Variants in CNTN5 observed in about 807,000 individuals in gnomAD.
CNTN5 encodes the protein contactin 5, also known as contactin-5.
A neutral mutation model predicts 129.1 loss-of-function variants in CNTN5; 77 were observed. The ratio of observed to expected loss-of-function variants is 0.60; its 90% confidence interval spans 0.50 to 0.72. CNTN5 has a LOEUF of 0.72. Among genes scored for constraint, CNTN5 ranks in the 30% least tolerant of loss-of-function variants. The pLI, the probability that CNTN5 is intolerant of heterozygous loss-of-function variation, is 0.00. For synonymous variants in CNTN5, 509 were observed against 465.6 expected (o/e 1.09, Z -1.20); for missense variants, 1,478 against 1,328.8 (o/e 1.11, Z -1.75).
chr11:99,819,184 G>C (rs1946689434), intron 3 of CNTN5, among the ~76,000 whole-genome samples: 2 of 150,062 alleles, frequency 1.3e-5, no homozygotes, highest in South Asian at 4.2e-4. Context: ...TCCTGACAAA[G>C]TATAAAGCTT....
chr11:99,778,896 A>T (rs1333829324), intron 3 of CNTN5, among the ~76,000 whole-genome samples: 1 of 144,630 alleles, frequency 6.9e-6, no homozygotes, highest in Non-Finnish European at 1.5e-5. Flanking sequence ...AATTAATTTC[A>T]TAGCATTTTA....
chr11:99,961,219 A>AAAC (rs71050036), intron 8 of CNTN5, among the ~76,000 whole-genome samples: 34,038 of 145,742 alleles, frequency 0.23, 5,559 homozygotes, highest in South Asian at 0.33. Flanking sequence ...AAAAAAAAAA[A>AAAC]AAAAAACAGT....
intron 17 of CNTN5, among the ~76,000 whole-genome samples, chr11:100,266,035 GAT>G (rs1224208179): frequency 3.3e-5 from 5 of 152,042 alleles, no homozygotes; most frequent in African/African-American, 1.2e-4. Flanking sequence ...TCTATCTGTG[GAT>G]ATGTTTTGCA....
intron 6 of CNTN5, among the ~76,000 whole-genome samples, chr11:99,914,990 T>C (rs1334467201): frequency 1.3e-5 from 2 of 152,084 alleles, no homozygotes; most frequent in African/African-American, 4.8e-5. Flanking sequence ...AGCTCTACCT[T>C]GTATTGCTAC....
chr11:100,353,126 C>T (rs1419428223), intron 24 of CNTN5, among the ~76,000 whole-genome samples: 1 of 151,434 alleles, frequency 6.6e-6, no homozygotes, highest in Non-Finnish European at 1.5e-5. Flanking sequence ...CTTAATTCTC[C>T]CATTTATATT....
chr11:99,037,245 C>T (rs1863780686), intron 1 of CNTN5, among the ~76,000 whole-genome samples: 1 of 152,132 alleles, frequency 6.6e-6, no homozygotes, highest in African/African-American at 2.4e-5. Context: ...GGTTTCTCTC[C>T]CTCTATTCTC....
At chr11:99,899,687 T>A (rs1400745664) in intron 6 of CNTN5, among the ~76,000 whole-genome samples, 1 of 152,030 alleles carries the variant, frequency 6.6e-6, no homozygotes, top group Non-Finnish European at 1.5e-5. Flanking sequence ...TATAATTCCT[T>A]TTTTATTGTC....
chr11:99,196,671 A>C (rs1858917635), intron 1 of CNTN5, among the ~76,000 whole-genome samples: 1 of 151,904 alleles, frequency 6.6e-6, no homozygotes, highest in East Asian at 1.9e-4. Context: ...TGTGCCTCAC[A>C]TATCTATGTT....
At chr11:99,157,738 A>C (rs904413511) in intron 1 of CNTN5, among the ~76,000 whole-genome samples, 7 of 152,118 alleles carry the variant, frequency 4.6e-5, no homozygotes, top group African/African-American at 1.7e-4. Context: ...GAAATATTTC[A>C]TTTCAGCTTG....
intron 1 of CNTN5, among the ~76,000 whole-genome samples, chr11:99,116,062 C>T (rs1858030894): frequency 6.6e-6 from 1 of 152,112 alleles, no homozygotes; most frequent in African/African-American, 2.4e-5. Context: ...ATCAACTTTC[C>T]CTCCAGCAGC....
intron 1 of CNTN5, among the ~76,000 whole-genome samples, chr11:99,214,481 A>G (rs1374249942): frequency 6.6e-6 from 1 of 150,736 alleles, no homozygotes. Context: ...ATGTAACCCT[A>G]TTATCTCTGT....
At chr11:99,759,011 G>A (rs1944491233) in intron 3 of CNTN5, among the ~76,000 whole-genome samples, 1 of 152,028 alleles carries the variant, frequency 6.6e-6, no homozygotes, top group Non-Finnish European at 1.5e-5. Context: ...GAGAACTGAG[G>A]AAATTAACAC....
Position 99,933,427 on chromosome 11 carries a change from A to ACCACTAC in CNTN5, c.673+17280_673+17286dup, listed in dbSNP as rs1357857288. Among the ~76,000 whole-genome samples, 4 of 152,292 alleles carry ACCACTAC rather than the reference A, an allele frequency of 2.6e-5. No homozygotes were observed. The East Asian group carries it at 7.7e-4, about 29-fold the overall frequency. On this transcript the variant is annotated intron_variant, in intron 7 of 24. Transcript: ENST00000524871. ...GAATTAAGATAAAAGAAGTCATGTA[A>ACCACTAC]CCACTACCATAATCATGGCATAGAA...
At chr11:99,058,217 C>T (rs759546057) in intron 1 of CNTN5, among the ~76,000 whole-genome samples, 4 of 151,906 alleles carry the variant, frequency 2.6e-5, no homozygotes, top group Non-Finnish European at 5.9e-5. Flanking sequence ...GTAGCTCAAC[C>T]CTTTGGAAAG....
chr11:99,797,258 A>G (rs1022951601), intron 3 of CNTN5, among the ~76,000 whole-genome samples: 2 of 152,002 alleles, frequency 1.3e-5, no homozygotes, highest in African/African-American at 2.4e-5. Flanking sequence ...TTTCCTTTGG[A>G]TATGTATCCA....
At chr11:100,240,758 G>C (rs1303703251) in intron 16 of CNTN5, among the ~76,000 whole-genome samples, 1 of 152,114 alleles carries the variant, frequency 6.6e-6, no homozygotes, top group Non-Finnish European at 1.5e-5. Context: ...AAGTGCCCTA[G>C]AGTTTACCCA....
chr11:99,585,537 A>G (rs112891552), intron 3 of CNTN5, among the ~76,000 whole-genome samples: 3 of 152,288 alleles, frequency 2.0e-5, no homozygotes, highest in African/African-American at 7.2e-5. Context: ...TGGGATTTTC[A>G]TAGTTATTTT....
intron 13 of CNTN5, among the ~76,000 whole-genome samples, chr11:100,145,442 T>C (rs1946821725): frequency 6.6e-6 from 1 of 152,162 alleles, no homozygotes; most frequent in African/African-American, 2.4e-5. Flanking sequence ...AAATTTCTGA[T>C]GAGTGACTCT....
intron 3 of CNTN5, among the ~76,000 whole-genome samples, chr11:99,633,664 T>C (rs141287593): frequency 3.0e-4 from 45 of 152,274 alleles, no homozygotes; most frequent in African/African-American, 1.1e-3. Flanking sequence ...AACCATTTAA[T>C]AGAGATATAC....
Sources: allele counts gnomAD v4.1 joint callset (sites outside exome capture counted in the v4.1 genomes callset), GRCh38; gene constraint gnomAD v4.1.1; transcripts MANE v1.5; gene names NCBI Gene and HGNC (gene_info 2026-07-23, HGNC 2026-07-21).